The following MTSS1 variants were observed in gnomAD, a reference collection of about 807,000 sequenced individuals.
MTSS1 encodes protein MTSS 1.
MTSS1 carries 18 observed loss-of-function variants against 79.0 expected under a neutral mutation model. That is an observed-to-expected ratio of 0.23 (90% CI 0.16 to 0.34). The LOEUF is 0.34. Ranked by LOEUF, MTSS1 falls within the 10% of genes least tolerant of loss-of-function variation. MTSS1 has a pLI of 1.00. For synonymous variants in MTSS1, 341 were observed against 368.6 expected (o/e 0.93, Z 0.86); for missense variants, 815 against 986.2 (o/e 0.83, Z 2.33).
At chr8:124,607,972 G>C (rs1202712462) in intron 3 of MTSS1, among the ~76,000 whole-genome samples, 2 of 152,090 alleles carry the variant, frequency 1.3e-5, no homozygotes, top group Admixed American at 6.5e-5. Context: ...AACGTGGAGA[G>C]TCCTCAGTGG....
intron 9 of MTSS1, among the ~76,000 whole-genome samples, chr8:124,563,859 G>A (rs947441540): frequency 7.9e-5 from 12 of 152,132 alleles, no homozygotes; most frequent in African/African-American, 2.4e-4. Flanking sequence ...GGCCAGGTGC[G>A]GTGGCTTACG....
intron 1 of MTSS1, among the ~76,000 whole-genome samples, chr8:124,716,549 A>G (rs1052276474): frequency 6.6e-6 from 1 of 152,194 alleles, no homozygotes; most frequent in African/African-American, 2.4e-5. Flanking sequence ...AAGACCTATC[A>G]GAGAATGACC....
At chr8:124,558,708 G>A (rs1824576214) in intron 10 of MTSS1, 1 of 1,545,308 alleles carries the variant, frequency 6.5e-7, no homozygotes, top group East Asian at 2.4e-5. Context: ...CACCCGGGCG[G>A]TCACCTTCTC....
intron 11 of MTSS1, chr8:124,556,640 A>C (rs1823869026): frequency 5.5e-6 from 3 of 541,044 alleles, no homozygotes; most frequent in Non-Finnish European, 9.6e-6. Flanking sequence ...AAAGATTAAA[A>C]ACCCTCACCC....
intron 1 of MTSS1, among the ~76,000 whole-genome samples, chr8:124,714,318 C>T (rs1831594283): frequency 6.6e-6 from 1 of 152,208 alleles, no homozygotes; most frequent in South Asian, 2.1e-4. Flanking sequence ...CACTTCCCTA[C>T]TAACCATAGG....
At chr8:124,653,452 G>T (rs562722548) in intron 3 of MTSS1, among the ~76,000 whole-genome samples, 3 of 152,328 alleles carry the variant, frequency 2.0e-5, no homozygotes, top group African/African-American at 7.2e-5. Context: ...AGCCGGGCAT[G>T]GTGGCTCACA....
chr8:124,708,555 C>T (rs1830706848), intron 1 of MTSS1, among the ~76,000 whole-genome samples: 1 of 152,194 alleles, frequency 6.6e-6, no homozygotes, highest in African/African-American at 2.4e-5. Flanking sequence ...GACAATTTCT[C>T]TGCTGCTGCT....
chr8:124,627,614 C>T (rs1278674096), intron 3 of MTSS1, among the ~76,000 whole-genome samples: 5 of 152,216 alleles, frequency 3.3e-5, no homozygotes, highest in African/African-American at 1.2e-4. Flanking sequence ...AGGAAGAATT[C>T]ATGGAGCAGA....
Position 124,667,640 on chromosome 8 carries a change from G to A in MTSS1, c.208+31886C>T, listed in dbSNP as rs181362017. Among the ~76,000 whole-genome samples, 964 of 151,544 alleles carry A rather than the reference G, an allele frequency of 6.4e-3. 8 individuals are homozygous for A. The highest frequency in any genetic ancestry group is 0.012 in the South Asian group (56 of 4,752). On this transcript the variant is annotated intron_variant, in intron 3 of 13. Transcript: ENST00000518547. ...GCCTGGGCAACAGAAGCGAAACTCCGTCTCAAAAAATAAAAAATAAATAAA... is the reference window on the plus strand; with the variant it reads ...GCCTGGGCAACAGAAGCGAAACTCCATCTCAAAAAATAAAAAATAAATAAA...
At position 124,618,058 on chromosome 8, in the gene MTSS1, C is replaced by T. The variant is rs1812748900; in HGVS notation, c.209-26823G>A. Among the ~76,000 whole-genome samples, 3 of 152,104 alleles carry T rather than the reference C, an allele frequency of 2.0e-5. No homozygotes were observed. The South Asian group carries it at 6.2e-4, about 32-fold the overall frequency. On this transcript the variant is annotated intron_variant, in intron 3 of 13. Coordinates refer to ENST00000518547, the MANE Select transcript of MTSS1 (RefSeq NM_014751.6). ...CTCACCCCTTCTAAATGGACTGCTA[C>T]CTAAATACTTCCTATAATAACATTC...
At position 124,557,887 on chromosome 8, in the gene MTSS1, C is replaced by CA. The variant is rs763107752; in HGVS notation, c.1036-13dup. On this transcript the variant is annotated splice_polypyrimidine_tract_variant and intron_variant, in intron 10 of 13. Transcript: ENST00000518547. Reference sequence around the variant, plus strand: ...AACCCGTTAGACAACTGGAAACAAACAAAAAAAGGGGGGGGGAAGGAAAAA... The same window carrying CA: ...AACCCGTTAGACAACTGGAAACAAACAAAAAAAAGGGGGGGGGAAGGAAAAA... 11 of 1,391,650 alleles carry CA rather than the reference C, an allele frequency of 7.9e-6. No individual in the cohort carries two copies. Among genetic ancestry groups the CA allele is most frequent in the African/African-American group, 1.5e-5 (1 of 65,706 alleles). The allele number at this position is 1,391,650 out of a possible 1,614,324, so 86.2% of individuals were successfully genotyped here. A position where few individuals can be genotyped will look rare whatever the true frequency, so the allele number is the denominator to read the frequency against.
intron 3 of MTSS1, among the ~76,000 whole-genome samples, chr8:124,651,214 A>C (rs1819898169): frequency 6.6e-6 from 1 of 152,244 alleles, no homozygotes; most frequent in Admixed American, 6.5e-5. Context: ...CTAGGATTTC[A>C]GTATTAAAGC....
chr8:124,600,073 TGCTGACCAGTGTC>T (rs1833535139), intron 3 of MTSS1, among the ~76,000 whole-genome samples: 1 of 151,030 alleles, frequency 6.6e-6, no homozygotes, highest in Non-Finnish European at 1.5e-5. Context: ...AAACCAAATA[TGCTGACCAGTGTC>T]TCATGCTATC....
At chr8:124,655,555 G>A (rs561583258) in intron 3 of MTSS1, among the ~76,000 whole-genome samples, 4 of 152,332 alleles carry the variant, frequency 2.6e-5, no homozygotes, top group East Asian at 3.9e-4. Context: ...GCAGGAGCCC[G>A]GACTTGCTCT....
chr8:124,718,621 C>T lies in MTSS1; in HGVS notation c.72+9263G>A, dbSNP rs113828160. 2.9e-4 allele frequency among the ~76,000 whole-genome samples: 44 copies of T among 152,306 alleles called. 2 individuals carry two copies. Among genetic ancestry groups the T allele is most frequent in the African/African-American group, 9.9e-4 (41 of 41,550 alleles). On this transcript the variant is annotated intron_variant, in intron 1 of 13. Transcript: ENST00000518547. ...TCCTTAATGGCTGCGTGCTCGGCTG[C>T]AGGAGAGGAGTCCGGCCTCAAAAGG...
intron 3 of MTSS1, among the ~76,000 whole-genome samples, chr8:124,601,186 G>A (rs1169116100): frequency 2.7e-5 from 4 of 148,510 alleles, no homozygotes; most frequent in South Asian, 2.2e-4. Flanking sequence ...TCAGCCACCC[G>A]AGTACCTGAG....
At chr8:124,645,843 G>A (rs773066437) in intron 3 of MTSS1, among the ~76,000 whole-genome samples, 6 of 152,008 alleles carry the variant, frequency 3.9e-5, no homozygotes, top group East Asian at 1.9e-4. Flanking sequence ...CAGCTTCCTC[G>A]GCTTAAGTGG....
Position 124,727,816 on chromosome 8 carries a change from G to A in MTSS1, c.72+68C>T. 1 of 1,386,636 alleles carries A rather than the reference G, an allele frequency of 7.2e-7. No individual in the cohort carries two copies. The highest frequency in any genetic ancestry group is 1.5e-5 in the South Asian group (1 of 67,022). 85.9% of individuals were successfully genotyped at this position (1,386,636 alleles called of 1,614,324 possible). The stretch of plus-strand genomic sequence containing the variant: ...AGGGCCGGGTGCCCGGCCCGGGGTG[G>A]AGGCGAAGCGCGGCGGCGAGGTCAG... On this transcript the variant is annotated intron_variant, in intron 1 of 13. Transcript: ENST00000518547. This position sits in a 1 kb window ranked among gnomAD's most constrained non-coding sequence, Gnocchi z 4.7.
rs535385498 is a variant in MTSS1 at position 124,552,891 on chromosome 8, C to T, written c.*101G>A. On this transcript the variant is annotated 3_prime_UTR_variant, in exon 14 of 14. Transcript: ENST00000518547. Reference sequence around the variant, plus strand: ...TTCAAAAGAGCTATATTCCGAGTTGCCTACAAAATCTTTTGTTTTATTATA... The same window carrying T: ...TTCAAAAGAGCTATATTCCGAGTTGTCTACAAAATCTTTTGTTTTATTATA... The T allele has an allele frequency of 8.2e-7, 1 of 1,217,646 alleles. No homozygotes were observed. Among genetic ancestry groups the T allele is most frequent in the East Asian group, 2.4e-5 (1 of 41,776 alleles). The allele number at this position is 1,217,646 out of a possible 1,614,324, so 75.4% of individuals were successfully genotyped here. A position where few individuals can be genotyped will look rare whatever the true frequency, so the allele number is the denominator to read the frequency against.
Sources: allele counts gnomAD v4.1 joint callset (sites outside exome capture counted in the v4.1 genomes callset), GRCh38; gene constraint gnomAD v4.1.1; non-coding constraint Gnocchi (gnomAD v3.1); transcripts MANE v1.5; gene names NCBI Gene and HGNC (gene_info 2026-07-23, HGNC 2026-07-21).